Variants in RGS9 observed in about 807,000 individuals in gnomAD.
RGS9 encodes regulator of G-protein signalling 9.
In RGS9, 78 loss-of-function variants were observed where a neutral mutation model predicts 102.0. That is an observed-to-expected ratio of 0.76 (90% CI 0.64 to 0.92). RGS9 has a LOEUF of 0.92. Among genes scored for constraint, RGS9 ranks in the 40% least tolerant of loss-of-function variants. RGS9 has a pLI of 0.00. For synonymous variants in RGS9, 353 were observed against 318.6 expected (o/e 1.11, Z -1.15); for missense variants, 833 against 866.1 (o/e 0.96, Z 0.48).
intron 15 of RGS9, among the ~76,000 whole-genome samples, chr17:65,207,086 A>G (rs1913091063): frequency 6.6e-6 from 1 of 152,190 alleles, no homozygotes; most frequent in Admixed American, 6.5e-5. Flanking sequence ...AATTGCCCAG[A>G]GTCCCAGTAA....
intron 9 of RGS9, among the ~76,000 whole-genome samples, chr17:65,187,561 C>G (rs1229484303): frequency 1.3e-5 from 2 of 152,204 alleles, no homozygotes; most frequent in Non-Finnish European, 2.9e-5. Context: ...TCCTTTACTC[C>G]TTTTCAATGG....
intron 6 of RGS9, among the ~76,000 whole-genome samples, chr17:65,161,766 C>G (rs1910996678): frequency 6.6e-6 from 1 of 151,874 alleles, no homozygotes; most frequent in Admixed American, 6.6e-5. Context: ...ATCACCCAGG[C>G]TGGCCTATAG....
At chr17:65,166,365 G>A (rs1164729911) in intron 7 of RGS9, among the ~76,000 whole-genome samples, 1 of 152,198 alleles carries the variant, frequency 6.6e-6, no homozygotes, top group African/African-American at 2.4e-5. Context: ...GCTGCATGAT[G>A]GTACTCTGTT....
At chr17:65,194,540 C>T (rs149269415) in intron 12 of RGS9, among the ~76,000 whole-genome samples, 139 of 152,196 alleles carry the variant, frequency 9.1e-4, no homozygotes, top group Middle Eastern at 6.8e-3. Flanking sequence ...AAGTTCTGGG[C>T]GGGCAGGGCC....
chr17:65,152,022 A>C (rs1910597418), intron 1 of RGS9, among the ~76,000 whole-genome samples: 1 of 152,206 alleles, frequency 6.6e-6, no homozygotes, highest in South Asian at 2.1e-4. Flanking sequence ...CAATGTATTA[A>C]CTAGGTCAAT....
intron 7 of RGS9, among the ~76,000 whole-genome samples, chr17:65,166,088 A>G (rs1469372778): frequency 1.3e-5 from 2 of 152,160 alleles, no homozygotes; most frequent in Non-Finnish European, 2.9e-5. Context: ...ACCTCACAGC[A>G]TGGCGGCATC....
chr17:65,140,328 G>A (rs1037205026), intron 1 of RGS9, among the ~76,000 whole-genome samples: 2 of 152,144 alleles, frequency 1.3e-5, no homozygotes, highest in Admixed American at 6.5e-5. Context: ...GGGTTTCCAG[G>A]CAGAAAGGGA....
chr17:65,154,625 G>T (rs906237820), intron 2 of RGS9, among the ~76,000 whole-genome samples: 1 of 152,182 alleles, frequency 6.6e-6, no homozygotes, highest in Non-Finnish European at 1.5e-5. Context: ...TGGGAGTGGT[G>T]CCACTGTCTC....
Position 65,225,291 on chromosome 17 carries a change from C to T in RGS9, c.1697C>T (p.Pro566Leu), listed in dbSNP as rs772041811. 5.6e-6 allele frequency: 9 copies of T among 1,608,802 alleles called. No individual in the cohort carries two copies. The South Asian group carries it at 8.8e-5, about 16-fold the overall frequency. The change falls in exon 18 of 19, where the codon CCT becomes CTT. Residue 566 changes from proline (P) to leucine (L), a missense_variant. Pro to Leu is a moderately conservative substitution (Grantham distance 98, BLOSUM62 -3). Transcript: ENST00000262406. ...GAGGCCTCCCTCGACACCTCCTGGC[C>T]TCGCAGCCGGCCCAGGGCCCCTCCT... ...SSEASLDTSW[P>L]RSRPRAPPKA...
At chr17:65,162,602 A>G (rs557465226) in intron 6 of RGS9, among the ~76,000 whole-genome samples, 2 of 151,108 alleles carry the variant, frequency 1.3e-5, no homozygotes, top group South Asian at 4.2e-4. Flanking sequence ...TGCTGGGACT[A>G]CAGGCACCCG....
chr17:65,141,491 G>C (rs936341058), intron 1 of RGS9, among the ~76,000 whole-genome samples: 2 of 152,180 alleles, frequency 1.3e-5, no homozygotes. Flanking sequence ...GAAATATTGA[G>C]GATATCCAGG....
chr17:65,208,106 T>G, intron 16 of RGS9, 99 bp downstream of exon 16: 1 of 825,938 alleles, frequency 1.2e-6, no homozygotes, highest in South Asian at 1.4e-5. Flanking sequence ...GATATTTGCT[T>G]GATGAAAATA....
chr17:65,225,737 C>G, intron 18 of RGS9: 1 of 568,908 alleles, frequency 1.8e-6, no homozygotes, highest in Non-Finnish European at 3.1e-6. Flanking sequence ...TTCCAAATCT[C>G]TTTTCCCCTT....
chr17:65,212,396 G>A, intron 17 of RGS9, among the ~76,000 whole-genome samples: 1 of 152,216 alleles, frequency 6.6e-6, no homozygotes, highest in East Asian at 1.9e-4. Flanking sequence ...TGGGATGTGT[G>A]TAGGCTATGC....
chr17:65,206,722 C>T (rs755583732), intron 15 of RGS9, among the ~76,000 whole-genome samples: 5 of 152,156 alleles, frequency 3.3e-5, no homozygotes, highest in South Asian at 2.1e-4. Flanking sequence ...AGTTTTCATA[C>T]GGCTTTTTAG....
chr17:65,179,416 G>A (rs901350858), intron 9 of RGS9, among the ~76,000 whole-genome samples: 1 of 152,160 alleles, frequency 6.6e-6, no homozygotes, highest in African/African-American at 2.4e-5. Context: ...TCACTGCTGA[G>A]GCCTTGTAGG....
chr17:65,196,653 A>G (rs1474924211), intron 12 of RGS9, among the ~76,000 whole-genome samples: 1 of 149,848 alleles, frequency 6.7e-6, no homozygotes, highest in East Asian at 1.9e-4. Context: ...ACCGGCTCCC[A>G]CCAGAAGCCA....
In RGS9 at chr17:65,173,266, G is replaced by A. The variant is rs1483482105; in HGVS notation, c.583-4466G>A. Among the ~76,000 whole-genome samples, 1 of 152,200 alleles carries A rather than the reference G, an allele frequency of 6.6e-6. No homozygotes were observed. Among genetic ancestry groups the A allele is most frequent in the South Asian group, 2.1e-4 (1 of 4,822 alleles). The stretch of plus-strand genomic sequence containing the variant: ...CTGTCTTATTTTGTTTAGAAAACGA[G>A]TTAGTGTTTTACTTAGTATTTGTTT... On this transcript the variant is annotated intron_variant, in intron 8 of 18. Transcript: ENST00000262406. This position sits in a 1 kb window ranked among gnomAD's most constrained non-coding sequence, Gnocchi z 4.8.
intron 1 of RGS9, among the ~76,000 whole-genome samples, chr17:65,147,453 T>C (rs1220425724): frequency 6.6e-6 from 1 of 152,140 alleles, no homozygotes; most frequent in East Asian, 1.9e-4. Flanking sequence ...CCCACGCTCC[T>C]TGGGAAGGTG....
Sources: gnomAD v4.1 joint callset for allele counts (sites outside exome capture counted in the v4.1 genomes callset) on GRCh38, gnomAD v4.1.1 for gene constraint, Gnocchi (gnomAD v3.1) non-coding constraint, MANE v1.5 for transcripts, NCBI Gene and HGNC (gene_info 2026-07-23, HGNC 2026-07-21) for gene names.